MYO5A: variants seen among roughly 807,000 people sequenced by gnomAD.
The protein encoded by MYO5A is myosin VA.
A neutral mutation model predicts 249.7 loss-of-function variants in MYO5A; 98 were observed. That is an observed-to-expected ratio of 0.39 (90% CI 0.33 to 0.46). The LOEUF is 0.46. MYO5A is among the 20% of genes least tolerant of loss of function. The pLI is 0.98. For synonymous variants in MYO5A, 778 were observed against 810.6 expected (o/e 0.96, Z 0.68); for missense variants, 1,696 against 2,308.8 (o/e 0.73, Z 5.44).
rs368942144 is a variant in MYO5A at position 52,353,678 on chromosome 15, T to C, written c.3568-20A>G. On this transcript the variant is annotated intron_variant, in intron 26 of 41. Transcript: ENST00000399233. ...TTCTTCCTAGGGAAAAGTTAAAGTTTTATATTTTAATTGTCACATTTTTAC... is the reference window on the plus strand; with the variant it reads ...TTCTTCCTAGGGAAAAGTTAAAGTTCTATATTTTAATTGTCACATTTTTAC... 9 of 1,609,768 alleles carry C rather than the reference T, an allele frequency of 5.6e-6. No individual in the cohort carries two copies. The African/African-American group carries it at 1.2e-4, about 22-fold the overall frequency.
At chr15:52,513,402 G>C (rs1255937674) in intron 1 of MYO5A, among the ~76,000 whole-genome samples, 1 of 144,314 alleles carries the variant, frequency 6.9e-6, no homozygotes, top group African/African-American at 2.5e-5. Context: ...TTGCACTCCA[G>C]CCTGGGCAAC....
chr15:52,405,988 G>A (rs1001078838), intron 8 of MYO5A, among the ~76,000 whole-genome samples: 2 of 152,210 alleles, frequency 1.3e-5, no homozygotes, highest in Non-Finnish European at 2.9e-5. Flanking sequence ...GATTAGAAGC[G>A]TTTAGGCTGG....
In MYO5A at chr15:52,330,463, A is replaced by G. The variant is rs764423187; in HGVS notation, c.4445T>C (p.Ile1482Thr). ...GTTGACTGGTCGGATGGGTTCATCA[A>G]TGATCTGTCCTGGGGATATGTTCTC... ...QMENISPGQI[I>T]DEPIRPVNIP... Residue 1482 changes from isoleucine (I) to threonine (T), a missense_variant, in exon 35 of 42, where the codon ATT (isoleucine) becomes ACT (threonine). Transcript: ENST00000399233. 29 of 1,613,956 alleles carry G rather than the reference A, an allele frequency of 1.8e-5. No individual in the cohort carries two copies. The highest frequency in any genetic ancestry group is 6.7e-5 in the East Asian group (3 of 44,888).
chr15:52,445,595 G>A (rs1320145405), intron 1 of MYO5A, among the ~76,000 whole-genome samples: 1 of 152,210 alleles, frequency 6.6e-6, no homozygotes, highest in East Asian at 1.9e-4. Context: ...AAGAAGACAG[G>A]AAGAAGAAAG....
rs2076385792 is a variant in MYO5A at position 52,468,049 on chromosome 15, G to A, written c.28-34764C>T. ...AGCGAACAGAAGCACCATTTAAAAA[G>A]TTAAACAAAGAAAAGATGGACCAGG... is the stretch of plus-strand genomic sequence containing the variant. On this transcript the variant is annotated intron_variant, in intron 1 of 41. Coordinates refer to ENST00000399233, the MANE Select transcript of MYO5A (RefSeq NM_001382347.1). Among the ~76,000 whole-genome samples the A allele has an allele frequency of 2.0e-5, 3 of 152,156 alleles. No individual in the cohort carries two copies. The South Asian group carries it at 6.2e-4, about 32-fold the overall frequency.
At chr15:52,393,825 G>T (rs183993094) in intron 11 of MYO5A, among the ~76,000 whole-genome samples, 3 of 152,266 alleles carry the variant, frequency 2.0e-5, no homozygotes, top group Non-Finnish European at 4.4e-5. Context: ...AAGGCAAATA[G>T]GGCACCATAT....
intron 24 of MYO5A, among the ~76,000 whole-genome samples, chr15:52,364,257 A>C (rs1242657676): frequency 6.6e-6 from 1 of 151,962 alleles, no homozygotes. Context: ...ACAAAAACAA[A>C]AACAAAAATC....
chr15:52,515,276 C>G (rs887044316), intron 1 of MYO5A, among the ~76,000 whole-genome samples: 1 of 99,352 alleles, frequency 1.0e-5, no homozygotes, highest in African/African-American at 3.2e-5. Context: ...GACCCTGTCT[C>G]AAGAAAAAAA....
chr15:52,364,120 C>T (rs1464672780), intron 24 of MYO5A, among the ~76,000 whole-genome samples: 1 of 151,984 alleles, frequency 6.6e-6, no homozygotes, highest in East Asian at 1.9e-4. Flanking sequence ...CACCTGTAGT[C>T]CCAGCTACTC....
At chr15:52,383,540 G>A (rs1253002099) in intron 15 of MYO5A, among the ~76,000 whole-genome samples, 1 of 152,210 alleles carries the variant, frequency 6.6e-6, no homozygotes, top group Non-Finnish European at 1.5e-5. Flanking sequence ...AATTTTGATG[G>A]AAGATACTGG....
At position 52,505,605 on chromosome 15, in the gene MYO5A, G is replaced by A. The variant is rs1395499285; in HGVS notation, c.27+23175C>T. On this transcript the variant is annotated intron_variant, in intron 1 of 41. Coordinates refer to ENST00000399233, the MANE Select transcript of MYO5A (RefSeq NM_001382347.1). ...CCAAAAAACCTGCACTTGTTTCCAA[G>A]TCTTCCATCTTATTAGATGTGAAAT... 4.2e-6 allele frequency: 6 copies of A among 1,420,342 alleles called. No homozygotes were observed. The African/African-American group carries it at 8.5e-5, about 20-fold the overall frequency. 88.0% of individuals were successfully genotyped at this position (1,420,342 alleles called of 1,614,324 possible).
rs2039196480 is a variant in MYO5A at position 52,337,942 on chromosome 15, A to C, written c.4240-58T>G. On this transcript the variant is annotated intron_variant, in intron 32 of 41. Transcript: ENST00000399233. ...TGTCTGTGTGTTTGAGGGAAATGCT[A>C]TCTTTCAGCAAAATCAATTTTAAAA... 3 of 1,135,064 alleles carry C rather than the reference A, an allele frequency of 2.6e-6. No homozygotes were observed. The East Asian group carries it at 7.7e-5, about 29-fold the overall frequency. 70.3% of individuals were successfully genotyped at this position (1,135,064 alleles called of 1,614,324 possible). A position where few individuals can be genotyped will look rare whatever the true frequency, so the allele number is the denominator to read the frequency against.
At chr15:52,441,942 G>A (rs1251961507) in intron 1 of MYO5A, among the ~76,000 whole-genome samples, 1 of 152,118 alleles carries the variant, frequency 6.6e-6, no homozygotes, top group Non-Finnish European at 1.5e-5. Flanking sequence ...AGAATTATCG[G>A]TCTTACCAAA....
rs1012920957 is a variant in MYO5A, at chr15:52,309,842, G to GTC, written c.*3853_*3854insGA. 6.9e-6 allele frequency: 1 copy of GTC among 144,900 alleles called. No homozygotes were observed. The highest frequency in any genetic ancestry group is 2.6e-5 in the African/African-American group (1 of 38,376). The allele number at this position is 144,900 out of a possible 1,614,324, so 9.0% of individuals were successfully genotyped here. Reference sequence around the variant, plus strand: ...AACTCTATGAATTAGTGACGGGGGTGTGTGTGTGTGTATGTGTGTGTGTGT... The same window carrying GTC: ...AACTCTATGAATTAGTGACGGGGGTGTCTGTGTGTGTGTATGTGTGTGTGTGT... On this transcript the variant is annotated 3_prime_UTR_variant, in exon 42 of 42. Coordinates refer to ENST00000399233, the MANE Select transcript of MYO5A (RefSeq NM_001382347.1).
chr15:52,458,574 T>G lies in MYO5A; in HGVS notation c.28-25289A>C, dbSNP rs1262009742. On this transcript the variant is annotated intron_variant, in intron 1 of 41. Transcript: ENST00000399233. ...AGTCAAGGCTGCAGTGAGCCATGTT[T>G]GCACCATTGCACTCCAGCCCTGCAC... Among the ~76,000 whole-genome samples, 4 of 151,876 alleles carry G rather than the reference T, an allele frequency of 2.6e-5. No homozygotes were observed. In the East Asian group the frequency reaches 7.7e-4, roughly 29 times the overall value.
At chr15:52,321,598 T>G (rs1186911486) in intron 37 of MYO5A, 89 bp from the exon 38 acceptor site, 1 of 1,409,280 alleles carries the variant, frequency 7.1e-7, no homozygotes, top group Non-Finnish European at 1.0e-6. Context: ...ATCTTCATGC[T>G]CTTTTCTGCT....
Position 52,425,415 on chromosome 15 carries a change from A to G in MYO5A, c.455+415T>C, listed in dbSNP as rs376001563. 1.7e-4 allele frequency among the ~76,000 whole-genome samples: 26 copies of G among 152,188 alleles called. No individual in the cohort carries two copies. In the South Asian group the frequency reaches 5.4e-3, roughly 32 times the overall value. On this transcript the variant is annotated intron_variant, in intron 4 of 41. Coordinates refer to ENST00000399233, the MANE Select transcript of MYO5A (RefSeq NM_001382347.1). ...TGCTCTGTGGCCCAGGTTGGAGTGCAGTGGCACAATCTCGGCTCACTGCAA... is the reference window on the plus strand; with the variant it reads ...TGCTCTGTGGCCCAGGTTGGAGTGCGGTGGCACAATCTCGGCTCACTGCAA...
rs1212475475 is a variant in MYO5A at position 52,372,055 on chromosome 15, A to G, written c.2817+69T>C. 6 of 1,608,118 alleles carry G rather than the reference A, an allele frequency of 3.7e-6. No individual in the cohort carries two copies. In the African/African-American group the frequency reaches 6.7e-5, roughly 18 times the overall value. Reference sequence around the variant, plus strand: ...CGAAGGGTAAAGTCAAAGAAAAACAATATTGAAAATAATCCTGGTGGATTT... The same window carrying G: ...CGAAGGGTAAAGTCAAAGAAAAACAGTATTGAAAATAATCCTGGTGGATTT... On this transcript the variant is annotated intron_variant, in intron 21 of 41. Coordinates refer to ENST00000399233, the MANE Select transcript of MYO5A (RefSeq NM_001382347.1).
At chr15:52,450,583 C>A (rs2075994617) in intron 1 of MYO5A, among the ~76,000 whole-genome samples, 1 of 151,194 alleles carries the variant, frequency 6.6e-6, no homozygotes, top group African/African-American at 2.4e-5. Context: ...GTGGGAGAAC[C>A]ACTTGAACTC....
Sources: allele counts gnomAD v4.1 joint callset (sites outside exome capture counted in the v4.1 genomes callset), GRCh38; gene constraint gnomAD v4.1.1; transcripts MANE v1.5; gene names NCBI Gene and HGNC (gene_info 2026-07-23, HGNC 2026-07-21).